The following DOK6 variants were observed in gnomAD, a reference collection of about 807,000 sequenced individuals.
DOK6 encodes downstream of tyrosine kinase 6.
Under a neutral mutation model 44.0 loss-of-function variants are expected in DOK6, and 22 were observed. That is an observed-to-expected ratio of 0.50 (90% CI 0.36 to 0.71). The LOEUF (loss-of-function observed/expected upper bound fraction) is 0.71, where lower values mean the gene tolerates loss of function less well. Among genes scored for constraint, DOK6 ranks in the 30% least tolerant of loss-of-function variants. DOK6 has a pLI of 0.00. For missense variants in DOK6, 340 were observed against 416.4 expected (o/e 0.82, Z 1.60); for synonymous variants, 166 against 145.5 (o/e 1.14, Z -1.01).
intron 2 of DOK6, among the ~76,000 whole-genome samples, chr18:69,583,431 T>A (rs1172965184): frequency 1.3e-5 from 2 of 152,242 alleles, no homozygotes; most frequent in Non-Finnish European, 2.9e-5. Flanking sequence ...TTTACTTGTC[T>A]GTTTTAAGCA....
chr18:69,721,201 A>C (rs1428075983), intron 5 of DOK6: 1 of 152,188 alleles, frequency 6.6e-6, no homozygotes, highest in Non-Finnish European at 1.5e-5. Flanking sequence ...TATATACCTA[A>C]TGTCCTTCTC....
intron 1 of DOK6, among the ~76,000 whole-genome samples, chr18:69,444,629 T>C (rs977076840): frequency 2.7e-5 from 4 of 145,930 alleles, no homozygotes; most frequent in Admixed American, 2.2e-4. Flanking sequence ...AAAGTTAACA[T>C]AATATAAAAT....
intron 7 of DOK6, among the ~76,000 whole-genome samples, chr18:69,812,805 C>T (rs982966794): frequency 6.6e-6 from 1 of 152,030 alleles, no homozygotes; most frequent in Non-Finnish European, 1.5e-5. Context: ...TTCACAAGGG[C>T]AGCAGGAAGG....
chr18:69,485,696 G>A (rs541965400), intron 1 of DOK6, among the ~76,000 whole-genome samples: 53 of 152,168 alleles, frequency 3.5e-4, no homozygotes, highest in African/African-American at 1.3e-3. Flanking sequence ...ATACAAATTG[G>A]TAGGAAATTT....
chr18:69,402,049 A>G (rs1057079052), intron 1 of DOK6, among the ~76,000 whole-genome samples: 31 of 152,222 alleles, frequency 2.0e-4, no homozygotes, highest in Non-Finnish European at 4.3e-4. Context: ...AGGCGGTAGG[A>G]GGGACTCACG....
At chr18:69,414,711 CA>C (rs1568249862) in intron 1 of DOK6, among the ~76,000 whole-genome samples, 1 of 151,940 alleles carries the variant, frequency 6.6e-6, no homozygotes. Flanking sequence ...GGTAATTTTA[CA>C]AGAAGTTACT....
chr18:69,497,759 TA>T lies in DOK6; in HGVS notation c.67-66724del, dbSNP rs529224890. On this transcript the variant is annotated intron_variant, in intron 1 of 7. Transcript: ENST00000382713. The stretch of plus-strand genomic sequence containing the variant: ...TTTAGGTCGCACATCAACTTTATTT[TA>T]AAAGCTTTTTAAAATATAAAACAGT... 3.3e-5 allele frequency among the ~76,000 whole-genome samples: 5 copies of T among 152,358 alleles called. No homozygotes were observed. In the South Asian group the frequency reaches 1.0e-3, roughly 32 times the overall value.
At chr18:69,642,537 T>G (rs1984969188) in intron 3 of DOK6, among the ~76,000 whole-genome samples, 1 of 152,202 alleles carries the variant, frequency 6.6e-6, no homozygotes, top group Non-Finnish European at 1.5e-5. Context: ...TTGGTTATCA[T>G]AATCTCTTTA....
intron 3 of DOK6, chr18:69,661,188 C>T (rs1228734262): frequency 6.6e-6 from 1 of 152,240 alleles, no homozygotes; most frequent in Non-Finnish European, 1.5e-5. Flanking sequence ...AAGATCAAGT[C>T]ACCAGCACAT....
chr18:69,804,457 A>C (rs1980995448), intron 7 of DOK6, among the ~76,000 whole-genome samples: 1 of 152,206 alleles, frequency 6.6e-6, no homozygotes, highest in Non-Finnish European at 1.5e-5. Flanking sequence ...ATATACATAT[A>C]TACAATCATC....
At chr18:69,814,466 C>T (rs939577778) in intron 7 of DOK6, among the ~76,000 whole-genome samples, 4 of 152,116 alleles carry the variant, frequency 2.6e-5, no homozygotes, top group African/African-American at 9.7e-5. Flanking sequence ...ATAAGGAACA[C>T]ACAATCTAGA....
At chr18:69,422,178 T>G (rs1352128986) in intron 1 of DOK6, among the ~76,000 whole-genome samples, 1 of 152,158 alleles carries the variant, frequency 6.6e-6, no homozygotes, top group African/African-American at 2.4e-5. Context: ...CCGCCTTCCC[T>G]GTCTTCTCCT....
intron 2 of DOK6, among the ~76,000 whole-genome samples, chr18:69,568,032 C>T (rs1439747785): frequency 6.6e-6 from 1 of 152,206 alleles, no homozygotes; most frequent in African/African-American, 2.4e-5. Context: ...TTCTGGCTCC[C>T]CGCGGCCTGC....
chr18:69,531,060 CAG>C (rs1320216183), intron 1 of DOK6, among the ~76,000 whole-genome samples: 3 of 151,684 alleles, frequency 2.0e-5, no homozygotes, highest in Non-Finnish European at 4.4e-5. Flanking sequence ...TCTGTTTTAT[CAG>C]AGACTAGGAT....
At chr18:69,406,031 A>T (rs1916200260) in intron 1 of DOK6, among the ~76,000 whole-genome samples, 2 of 152,228 alleles carry the variant, frequency 1.3e-5, no homozygotes, top group Non-Finnish European at 2.9e-5. Context: ...TTAAATACTA[A>T]TTTAGCAGAT....
intron 6 of DOK6, among the ~76,000 whole-genome samples, chr18:69,739,323 T>C (rs977680427): frequency 6.6e-6 from 1 of 152,224 alleles, no homozygotes; most frequent in Admixed American, 6.5e-5. Context: ...ACTTCTGGCA[T>C]CTACCTATGT....
chr18:69,796,901 A>G (rs17081640), intron 7 of DOK6, among the ~76,000 whole-genome samples: 29,668 of 152,142 alleles, frequency 0.2, 3,078 homozygotes, highest in East Asian at 0.28. Flanking sequence ...TAAAGTTTAG[A>G]TGAAATAAAT....
chr18:69,669,525 A>C (rs753971308), intron 3 of DOK6, among the ~76,000 whole-genome samples: 80 of 152,194 alleles, frequency 5.3e-4, no homozygotes, highest in Non-Finnish European at 1.3e-4. Context: ...TTTAAATCAC[A>C]TGCTTGGCCT....
At chr18:69,715,723 G>A (rs984619998) in intron 5 of DOK6, among the ~76,000 whole-genome samples, 2 of 152,220 alleles carry the variant, frequency 1.3e-5, no homozygotes, top group South Asian at 4.1e-4. Flanking sequence ...GAAAGAGATT[G>A]TATTAGAAAC....
Sources: allele counts gnomAD v4.1 joint callset (sites outside exome capture counted in the v4.1 genomes callset), GRCh38; gene constraint gnomAD v4.1.1; transcripts MANE v1.5; gene names NCBI Gene and HGNC (gene_info 2026-07-23, HGNC 2026-07-21).